Variants in ZBTB20 observed in about 807,000 individuals in gnomAD.
ZBTB20 encodes the protein zinc finger and BTB domain-containing protein 20.
In ZBTB20, 9 loss-of-function variants were observed where a neutral mutation model predicts 56.9. That is an observed-to-expected ratio of 0.16 (90% CI 0.10 to 0.28). The LOEUF (loss-of-function observed/expected upper bound fraction) is 0.28. Among genes scored for constraint, ZBTB20 ranks in the 10% least tolerant of loss-of-function variants. The pLI, the probability that ZBTB20 is intolerant of heterozygous loss-of-function variation, is 1.00. For missense variants in ZBTB20, 655 were observed against 1,003.0 expected (o/e 0.65, Z 4.69); for synonymous variants, 417 against 420.7 (o/e 0.99, Z 0.11).
chr3:114,916,469 T>C (rs2075750836), intron 3 of ZBTB20, among the ~76,000 whole-genome samples: 1 of 152,142 alleles, frequency 6.6e-6, no homozygotes, highest in South Asian at 2.1e-4. Flanking sequence ...ATAGTAATAA[T>C]ATTTTTACTG....
At chr3:114,666,972 A>G (rs1024820433) in intron 6 of ZBTB20, among the ~76,000 whole-genome samples, 9 of 152,164 alleles carry the variant, frequency 5.9e-5, no homozygotes, top group African/African-American at 1.9e-4. Context: ...ATAGAAGGCA[A>G]TAAAAGCTTT....
At position 115,063,847 on chromosome 3, in the gene ZBTB20, T is replaced by A. The variant is rs540107306; in HGVS notation, c.-507+7372A>T. On this transcript the variant is annotated intron_variant, in intron 2 of 11. Coordinates refer to ENST00000675478, the MANE Select transcript of ZBTB20 (RefSeq NM_001348800.3). ...TATTTTTATTTATAAATTTTAGACA[T>A]AATATATTAACTTCCTATCATGGCA... Among the ~76,000 whole-genome samples, 5 of 152,306 alleles carry A rather than the reference T, an allele frequency of 3.3e-5. 1 individual carries two copies. In the South Asian group the frequency reaches 1.0e-3, roughly 32 times the overall value.
intron 7 of ZBTB20, among the ~76,000 whole-genome samples, chr3:114,457,074 T>C (rs4521193): frequency 0.11 from 17,305 of 152,292 alleles, 1,431 homozygotes; most frequent in East Asian, 0.25. Flanking sequence ...ATCAGTGATT[T>C]TGATAATGGC....
chr3:114,521,331 C>T (rs929858573), intron 6 of ZBTB20, among the ~76,000 whole-genome samples: 1 of 152,118 alleles, frequency 6.6e-6, no homozygotes, highest in African/African-American at 2.4e-5. Flanking sequence ...TTTTTATAGT[C>T]ACTCTGAAAA....
chr3:114,614,118 C>T lies in ZBTB20; in HGVS notation c.-295+79410G>A, dbSNP rs1454549679. On this transcript the variant is annotated intron_variant, in intron 6 of 11. Transcript: ENST00000675478. ...ACCACACTGCTCTACTGCCTAAATT[C>T]AGGTAACCAACAAAAGAGTTGCCCT... Among the ~76,000 whole-genome samples the T allele has an allele frequency of 3.3e-5, 5 of 152,294 alleles. No homozygotes were observed. In the East Asian group the frequency reaches 9.6e-4, roughly 29 times the overall value.
intron 6 of ZBTB20, among the ~76,000 whole-genome samples, chr3:114,513,678 G>T (rs1324509973): frequency 2.0e-5 from 3 of 152,098 alleles, no homozygotes; most frequent in Admixed American, 2.0e-4. Context: ...AGGTCATTTT[G>T]GGGCACTAGG....
intron 3 of ZBTB20, among the ~76,000 whole-genome samples, chr3:114,919,026 G>C (rs1335476484): frequency 6.6e-6 from 1 of 152,138 alleles, no homozygotes; most frequent in Non-Finnish European, 1.5e-5. Context: ...GAAGTTTGTT[G>C]ATACTTGAGT....
At chr3:114,421,882 T>C (rs925791476) in intron 7 of ZBTB20, among the ~76,000 whole-genome samples, 1 of 151,614 alleles carries the variant, frequency 6.6e-6, no homozygotes, top group African/African-American at 2.4e-5. Context: ...GTGTCCCTCA[T>C]CTGGTTGACA....
intron 4 of ZBTB20, among the ~76,000 whole-genome samples, chr3:114,866,405 A>T (rs1411119223): frequency 6.6e-6 from 1 of 152,208 alleles, no homozygotes; most frequent in Non-Finnish European, 1.5e-5. Context: ...AATAACCAAT[A>T]GTGTCTACTT....
At chr3:114,372,428 A>G (rs1011909932) in intron 10 of ZBTB20, among the ~76,000 whole-genome samples, 2 of 152,220 alleles carry the variant, frequency 1.3e-5, no homozygotes, top group African/African-American at 4.8e-5. Flanking sequence ...GGAGGATTTT[A>G]TAAGAGGACA....
chr3:114,659,691 G>A (rs986509423), intron 6 of ZBTB20, among the ~76,000 whole-genome samples: 4 of 152,054 alleles, frequency 2.6e-5, no homozygotes, highest in South Asian at 2.1e-4. Context: ...TTGAACTGGC[G>A]GTTTGAAAAC....
At chr3:114,609,066 G>T (rs1300157353) in intron 6 of ZBTB20, among the ~76,000 whole-genome samples, 2 of 152,140 alleles carry the variant, frequency 1.3e-5, no homozygotes, top group Admixed American at 1.3e-4. Context: ...TGATAAATCA[G>T]TCTATTTCCT....
chr3:114,558,837 A>G (rs567205358), intron 6 of ZBTB20, among the ~76,000 whole-genome samples: 1 of 152,174 alleles, frequency 6.6e-6, no homozygotes, highest in East Asian at 1.9e-4. Flanking sequence ...TTCCTTATTC[A>G]CTGACCTGTC....
At chr3:114,778,738 T>C (rs2069829393) in intron 5 of ZBTB20, among the ~76,000 whole-genome samples, 1 of 152,290 alleles carries the variant, frequency 6.6e-6, no homozygotes, top group Middle Eastern at 3.4e-3. Flanking sequence ...AGAGATAGAA[T>C]CCTTCTTTTG....
chr3:114,702,047 C>T (rs2063417819), intron 5 of ZBTB20, among the ~76,000 whole-genome samples: 1 of 152,066 alleles, frequency 6.6e-6, no homozygotes, highest in Admixed American at 6.6e-5. Context: ...AAAAAAAAAT[C>T]AGATGATTGG....
intron 7 of ZBTB20, among the ~76,000 whole-genome samples, chr3:114,391,723 C>T (rs1490551866): frequency 1.3e-5 from 2 of 152,146 alleles, no homozygotes; most frequent in African/African-American, 4.8e-5. Context: ...GTCATAGAAA[C>T]GGGGACTAAA....
chr3:114,831,522 C>T (rs2073843837), intron 4 of ZBTB20, among the ~76,000 whole-genome samples: 1 of 151,980 alleles, frequency 6.6e-6, no homozygotes, highest in Non-Finnish European at 1.5e-5. Context: ...CTCTTCACGT[C>T]AGGCAACATT....
intron 7 of ZBTB20, among the ~76,000 whole-genome samples, chr3:114,402,884 G>A (rs1050131041): frequency 1.3e-5 from 2 of 152,088 alleles, no homozygotes; most frequent in African/African-American, 4.8e-5. Context: ...TATGCATCTG[G>A]GAGATGATTA....
intron 5 of ZBTB20, among the ~76,000 whole-genome samples, chr3:114,748,379 T>TC (rs10681182): frequency 0.068 from 9,112 of 134,248 alleles, 1,157 homozygotes; most frequent in African/African-American, 0.22. Context: ...TCTCTCTCTC[T>TC]TTCTTTCTTT....
Sources: allele counts gnomAD v4.1 joint callset (sites outside exome capture counted in the v4.1 genomes callset), GRCh38; gene constraint gnomAD v4.1.1; transcripts MANE v1.5; gene names NCBI Gene and HGNC (gene_info 2026-07-23, HGNC 2026-07-21).